TMEM135: variants seen among roughly 807,000 people sequenced by gnomAD.
The protein encoded by TMEM135 is peroxisomal membrane protein 52.
Under a neutral mutation model 60.3 loss-of-function variants are expected in TMEM135, and 30 were observed. That is an observed-to-expected ratio of 0.50 (90% CI 0.37 to 0.68). The LOEUF is 0.68. Among genes scored for constraint, TMEM135 ranks in the 30% least tolerant of loss-of-function variants. The probability of loss-of-function intolerance (pLI) is 0.00; values close to 1 mark genes in which losing one functional copy is unlikely to be tolerated. For synonymous variants in TMEM135, 190 were observed against 186.7 expected, an observed-to-expected ratio of 1.02 and a Z score of -0.14; for missense variants, 468 against 548.8, an observed-to-expected ratio of 0.85 and a Z score of 1.47.
chr11:87,312,747 C>G (rs994963998), intron 10 of TMEM135, among the ~76,000 whole-genome samples: 1 of 151,842 alleles, frequency 6.6e-6, no homozygotes, highest in African/African-American at 2.4e-5. Context: ...TGATTATTAG[C>G]TCCTGAGCCA....
At chr11:87,251,521 A>T (rs1941415592) in intron 6 of TMEM135, among the ~76,000 whole-genome samples, 1 of 152,162 alleles carries the variant, frequency 6.6e-6, no homozygotes, top group East Asian at 1.9e-4. Context: ...TAGGGCTTTG[A>T]GGATTGAATA....
chr11:87,225,438 T>C (rs1940744651), intron 5 of TMEM135, among the ~76,000 whole-genome samples: 1 of 152,104 alleles, frequency 6.6e-6, no homozygotes, highest in African/African-American at 2.4e-5. Flanking sequence ...TAATTATTAT[T>C]ATTATGCTGA....
Position 87,323,132 on chromosome 11 carries a change from G to A in TMEM135, c.*1799G>A. 2.2e-6 allele frequency: 1 copy of A among 454,056 alleles called. No homozygotes were observed. Among genetic ancestry groups the A allele is most frequent in the Non-Finnish European group, 4.4e-6 (1 of 226,670 alleles). 28.1% of individuals were successfully genotyped at this position (454,056 alleles called of 1,614,324 possible). On this transcript the variant is annotated 3_prime_UTR_variant, in exon 15 of 15. Coordinates refer to ENST00000305494, the MANE Select transcript of TMEM135 (RefSeq NM_022918.4). Reference sequence around the variant, plus strand: ...TTGTTTTCATTGACATTAAAAGACTGTGATATTGAAAGATGAATTACGAAA... The same window carrying A: ...TTGTTTTCATTGACATTAAAAGACTATGATATTGAAAGATGAATTACGAAA...
At chr11:87,194,214 A>G (rs1394647576) in intron 5 of TMEM135, among the ~76,000 whole-genome samples, 2 of 152,186 alleles carry the variant, frequency 1.3e-5, no homozygotes, top group African/African-American at 4.8e-5. Context: ...GTAAATGTAG[A>G]TCTTTGTTGA....
In TMEM135 at chr11:87,072,728, A is replaced by T. The variant is rs935555960; in HGVS notation, c.362+1113A>T. 7.9e-5 allele frequency among the ~76,000 whole-genome samples: 12 copies of T among 152,266 alleles called. No individual in the cohort carries two copies. In the South Asian group the frequency reaches 1.0e-3, roughly 13 times the overall value. On this transcript the variant is annotated intron_variant, in intron 3 of 14. Coordinates refer to ENST00000305494, the MANE Select transcript of TMEM135 (RefSeq NM_022918.4). ...TATTTAAAAAAAATTTTTTATTGTT[A>T]TCAGCCTGAAATTTTCCATGTGAAT... is the stretch of plus-strand genomic sequence containing the variant.
chr11:87,266,538 T>G (rs1941750856), intron 6 of TMEM135, among the ~76,000 whole-genome samples: 1 of 152,214 alleles, frequency 6.6e-6, no homozygotes, highest in Non-Finnish European at 1.5e-5. Context: ...GGATTGGTTC[T>G]AGTCTCCCTT....
intron 5 of TMEM135, among the ~76,000 whole-genome samples, chr11:87,221,634 TAAAAG>T (rs920684155): frequency 6.6e-6 from 1 of 152,140 alleles, no homozygotes; most frequent in Non-Finnish European, 1.5e-5. Context: ...GAATACAAAA[TAAAAG>T]AGAGATTTCC....
chr11:87,101,895 C>G (rs929507035), intron 4 of TMEM135, among the ~76,000 whole-genome samples: 3 of 152,134 alleles, frequency 2.0e-5, no homozygotes, highest in African/African-American at 7.2e-5. Flanking sequence ...ATAGCTTGAA[C>G]CTGGGAGGCG....
chr11:87,274,879 T>C (rs773040187), intron 6 of TMEM135, among the ~76,000 whole-genome samples: 8 of 149,878 alleles, frequency 5.3e-5, no homozygotes, highest in African/African-American at 1.2e-4. Context: ...TTTATATATA[T>C]GTATTATATA....
chr11:87,114,576 G>T (rs2135203878), intron 4 of TMEM135, among the ~76,000 whole-genome samples: 1 of 152,246 alleles, frequency 6.6e-6, no homozygotes, highest in Middle Eastern at 3.4e-3. Flanking sequence ...TTTAGTTCCT[G>T]TCATTACACT....
chr11:87,321,318 C>T lies in TMEM135; in HGVS notation c.1362C>T (p.Pro454=). The part of the protein sequence containing the change: ...PRYTTVTPEL[P]TEFS ...ACACAACTGTAACACCAGAGTTGCCCACAGAGTTTTCCTGAAGATGACTGT... is the reference window on the plus strand; with the variant it reads ...ACACAACTGTAACACCAGAGTTGCCTACAGAGTTTTCCTGAAGATGACTGT... Residue 454 remains proline, a synonymous_variant, in exon 15 of 15, where the codon CCC becomes CCT. Transcript: ENST00000305494. 3 of 1,613,586 alleles carry T rather than the reference C, an allele frequency of 1.9e-6. No individual in the cohort carries two copies. The highest frequency in any genetic ancestry group is 2.2e-5 in the South Asian group (2 of 91,076).
intron 5 of TMEM135, among the ~76,000 whole-genome samples, chr11:87,214,105 A>C (rs767010211): frequency 7.9e-5 from 12 of 152,216 alleles, no homozygotes; most frequent in Admixed American, 5.9e-4. Flanking sequence ...AGTAGTTGTT[A>C]TAATCATTGC....
intron 4 of TMEM135, among the ~76,000 whole-genome samples, chr11:87,101,756 C>A (rs1857461328): frequency 6.6e-6 from 1 of 152,114 alleles, no homozygotes; most frequent in African/African-American, 2.4e-5. Flanking sequence ...GGGCAGATCA[C>A]CAGAGGTTGG....
chr11:87,307,056 A>G (rs916346746), intron 9 of TMEM135, among the ~76,000 whole-genome samples: 8 of 152,038 alleles, frequency 5.3e-5, no homozygotes, highest in African/African-American at 1.7e-4. Context: ...AACAGTTCCA[A>G]TGCTGTAGAA....
rs1329178976 is a variant in TMEM135 at position 87,322,647 on chromosome 11, A to G, written c.*1314A>G. 3 of 453,494 alleles carry G rather than the reference A, an allele frequency of 6.6e-6. No homozygotes were observed. The highest frequency in any genetic ancestry group is 1.4e-4 in the East Asian group (2 of 14,410). 28.1% of individuals were successfully genotyped at this position (453,494 alleles called of 1,614,324 possible). A position where few individuals can be genotyped will look rare whatever the true frequency, so the allele number is the denominator to read the frequency against. Reference sequence around the variant, plus strand: ...GTTTTTAGGCCAGTGCAAATTATGCAGTAGAACTTGTGTTGCAAAAGGAAT... The same window carrying G: ...GTTTTTAGGCCAGTGCAAATTATGCGGTAGAACTTGTGTTGCAAAAGGAAT... On this transcript the variant is annotated 3_prime_UTR_variant, in exon 15 of 15. Transcript: ENST00000305494.
At chr11:87,076,689 A>C (rs1413847727) in intron 3 of TMEM135, among the ~76,000 whole-genome samples, 1 of 152,222 alleles carries the variant, frequency 6.6e-6, no homozygotes, top group East Asian at 1.9e-4. Context: ...AGGCTACGGC[A>C]TACTCCTTGG....
chr11:87,309,090 G>GATT (rs1942598633), intron 9 of TMEM135, among the ~76,000 whole-genome samples: 2 of 152,120 alleles, frequency 1.3e-5, no homozygotes, highest in African/African-American at 4.8e-5. Context: ...TAATCATTAA[G>GATT]AGCAGTTTTC....
chr11:87,087,686 A>G (rs572198576), intron 3 of TMEM135, among the ~76,000 whole-genome samples: 1 of 152,170 alleles, frequency 6.6e-6, no homozygotes, highest in Non-Finnish European at 1.5e-5. Flanking sequence ...ATTTTCACAT[A>G]GGCTTTTAAA....
intron 6 of TMEM135, among the ~76,000 whole-genome samples, chr11:87,255,420 A>G (rs1414379819): frequency 2.6e-5 from 4 of 152,206 alleles, no homozygotes; most frequent in Non-Finnish European, 5.9e-5. Context: ...TTTCTTCATT[A>G]TTTATATCTT....
Sources: allele counts gnomAD v4.1 joint callset (sites outside exome capture counted in the v4.1 genomes callset), GRCh38; gene constraint gnomAD v4.1.1; transcripts MANE v1.5; gene names NCBI Gene and HGNC (gene_info 2026-07-23, HGNC 2026-07-21).